The following HECW2 variants were observed in gnomAD, a reference collection of about 807,000 sequenced individuals.
The protein encoded by HECW2 is E3 ubiquitin-protein ligase HECW2.
A neutral mutation model predicts 175.2 loss-of-function variants in HECW2; 61 were observed. The observed-to-expected ratio is 0.35, with a 90% confidence interval of 0.28 to 0.43. The LOEUF (loss-of-function observed/expected upper bound fraction) is 0.43, where lower values mean the gene tolerates loss of function less well. Among genes scored for constraint, HECW2 ranks in the 20% least tolerant of loss-of-function variants. HECW2 has a pLI of 1.00. For synonymous variants in HECW2, 671 were observed against 731.0 expected (o/e 0.92, Z 1.32); for missense variants, 1,524 against 2,000.5 (o/e 0.76, Z 4.54).
intron 1 of HECW2, among the ~76,000 whole-genome samples, chr2:196,534,985 T>C (rs1390633742): frequency 6.6e-6 from 1 of 150,618 alleles, no homozygotes; most frequent in Non-Finnish European, 1.5e-5. Context: ...CTAATCTATG[T>C]CCCCTTCAGT....
chr2:196,220,264 C>T, intron 25 of HECW2, 111 bp from the exon 26 acceptor site: 1 of 692,268 alleles, frequency 1.4e-6, no homozygotes. Context: ...TATGTGTGTA[C>T]CTTGTGTTGG....
At chr2:196,295,485 A>G (rs1690775854) in intron 13 of HECW2, among the ~76,000 whole-genome samples, 1 of 152,216 alleles carries the variant, frequency 6.6e-6, no homozygotes, top group South Asian at 2.1e-4. Context: ...ATGAGCTTTC[A>G]GGTCTTACTA....
intron 1 of HECW2, among the ~76,000 whole-genome samples, chr2:196,549,101 T>C (rs1689522397): frequency 6.6e-6 from 1 of 152,178 alleles, no homozygotes; most frequent in Non-Finnish European, 1.5e-5. Context: ...AAATAGTAGG[T>C]ACTCACTATG....
Position 196,319,803 on chromosome 2 carries a change from C to A in HECW2, c.1087G>T (p.Asp363Tyr). 6.2e-7 allele frequency: 1 copy of A among 1,614,208 alleles called. No homozygotes were observed. Among genetic ancestry groups the A allele is most frequent in the South Asian group, 1.1e-5 (1 of 91,086 alleles). ...GGCCCATTAGAGCACACCTGGCTGT[C>A]GTGATGGCTCCCTGGCATGTCCTCG... ...DDEDMPGSHHDSQVCSNGPVS... is the reference protein window; with the variant it reads ...DDEDMPGSHHYSQVCSNGPVS... The change falls in exon 9 of 29, where the codon GAC becomes TAC. Residue 363 changes from aspartate to tyrosine, a missense_variant. Around this residue, in one of 11 missense-constraint regions of HECW2, gnomAD observed 604 missense variants for 588.3 expected, o/e 1.03. Coordinates refer to ENST00000644978, the MANE Select transcript of HECW2 (RefSeq NM_001348768.2).
chr2:196,496,682 A>G (rs1425693576), intron 1 of HECW2, among the ~76,000 whole-genome samples: 2 of 152,198 alleles, frequency 1.3e-5, no homozygotes, highest in Non-Finnish European at 2.9e-5. Flanking sequence ...TTGCTTTATA[A>G]TTAGTCTAAA....
chr2:196,563,607 G>A (rs2375944), intron 1 of HECW2, among the ~76,000 whole-genome samples: 20,903 of 151,980 alleles, frequency 0.14, 1,517 homozygotes, highest in Middle Eastern at 0.25. Flanking sequence ...ATTCCTGAAT[G>A]CAAGAAAGTG....
chr2:196,502,849 C>A (rs1687622750), intron 1 of HECW2, among the ~76,000 whole-genome samples: 1 of 152,218 alleles, frequency 6.6e-6, no homozygotes, highest in East Asian at 1.9e-4. Flanking sequence ...TTACACAGGG[C>A]TACCTCTCAT....
chr2:196,421,420 T>C (rs978810484), intron 2 of HECW2, among the ~76,000 whole-genome samples: 3 of 152,124 alleles, frequency 2.0e-5, no homozygotes, highest in Non-Finnish European at 4.4e-5. Context: ...GAAGTTGATG[T>C]GACAACTGAT....
intron 18 of HECW2, among the ~76,000 whole-genome samples, chr2:196,255,147 A>ATTTTTTTTT (rs768416431): frequency 3.1e-4 from 30 of 95,398 alleles, no homozygotes; most frequent in African/African-American, 7.7e-4. Flanking sequence ...TAATTTTTCT[A>ATTTTTTTTT]TTTTTTTTTT....
At chr2:196,376,712 CA>C (rs1477009460) in intron 2 of HECW2, among the ~76,000 whole-genome samples, 3 of 149,320 alleles carry the variant, frequency 2.0e-5, no homozygotes, top group Non-Finnish European at 4.4e-5. Flanking sequence ...GCAGGCGGAT[CA>C]ACCTGAGGTC....
At chr2:196,447,211 G>GC (rs1696212070) in intron 1 of HECW2, among the ~76,000 whole-genome samples, 2 of 151,054 alleles carry the variant, frequency 1.3e-5, no homozygotes, top group Admixed American at 1.3e-4. Flanking sequence ...TTTTCCAATT[G>GC]TTTTTTTTTA....
At chr2:196,254,671 G>T (rs936909581) in intron 18 of HECW2, among the ~76,000 whole-genome samples, 3 of 152,144 alleles carry the variant, frequency 2.0e-5, no homozygotes. Flanking sequence ...GCTCTTTTCA[G>T]CTGTACAAGA....
chr2:196,225,864 T>A lies in HECW2; in HGVS notation c.3924A>T (p.Arg1308=). 1 of 1,605,868 alleles carries A rather than the reference T, an allele frequency of 6.2e-7. No individual in the cohort carries two copies. The highest frequency in any genetic ancestry group is 8.5e-7 in the Non-Finnish European group (1 of 1,172,684). The change falls in exon 23 of 29, where the codon CGA becomes CGT. Residue 1308 remains arginine, a synonymous_variant. Coordinates refer to ENST00000644978, the MANE Select transcript of HECW2 (RefSeq NM_001348768.2). ...CAAGACCAAGGATCCTACCACTGAA[T>A]CGGAACCTGTGAAGGAAACACATGA... ...AFVDNHHEWF[R]FSGRILGLAL... is the part of the protein sequence containing the mutation.
At chr2:196,254,091 C>A in intron 18 of HECW2, 62 bp from the exon 19 acceptor site, 2 of 1,596,928 alleles carry the variant, frequency 1.3e-6, no homozygotes, top group Non-Finnish European at 1.7e-6. Flanking sequence ...AAGCCTAAAT[C>A]CCAAAGGAGT....
chr2:196,422,706 A>C (rs1226028922), intron 2 of HECW2, among the ~76,000 whole-genome samples: 1 of 152,156 alleles, frequency 6.6e-6, no homozygotes, highest in Non-Finnish European at 1.5e-5. Context: ...GTTCCAAAAA[A>C]CAATTACATG....
intron 2 of HECW2, among the ~76,000 whole-genome samples, chr2:196,417,360 G>A (rs1030563682): frequency 2.0e-5 from 3 of 152,158 alleles, no homozygotes; most frequent in Non-Finnish European, 2.9e-5. Flanking sequence ...ATAATAAGAT[G>A]TCACTAAGAT....
chr2:196,505,851 C>G (rs531882298), intron 1 of HECW2, among the ~76,000 whole-genome samples: 7 of 152,300 alleles, frequency 4.6e-5, no homozygotes, highest in African/African-American at 1.7e-4. Context: ...CTGGAGCTAT[C>G]AATGTCAAAA....
chr2:196,244,040 C>A (rs983233663), intron 19 of HECW2, among the ~76,000 whole-genome samples: 1 of 152,090 alleles, frequency 6.6e-6, no homozygotes, highest in African/African-American at 2.4e-5. Context: ...TGAAAGAAAC[C>A]AGAAAACAAA....
intron 21 of HECW2, among the ~76,000 whole-genome samples, chr2:196,232,086 T>A (rs948879280): frequency 3.3e-5 from 5 of 152,140 alleles, no homozygotes; most frequent in Non-Finnish European, 7.4e-5. Flanking sequence ...TGAGCACCCG[T>A]CAGCCATGGT....
Sources: allele counts gnomAD v4.1 joint callset (sites outside exome capture counted in the v4.1 genomes callset), GRCh38; gene constraint gnomAD v4.1.1; regional missense constraint gnomAD v4.1.1; transcripts MANE v1.5; gene names NCBI Gene and HGNC (gene_info 2026-07-23, HGNC 2026-07-21).